The following MICAL3 variants were observed in gnomAD, a reference collection of about 807,000 sequenced individuals.
The protein encoded by MICAL3 is microtubule associated monooxygenase, calponin and LIM domain containing 3.
In MICAL3, 62 loss-of-function variants were observed where a neutral mutation model predicts 207.4. That is an observed-to-expected ratio of 0.30 (90% CI 0.24 to 0.37). MICAL3 has a LOEUF of 0.37. Among genes scored for constraint, MICAL3 ranks in the 10% least tolerant of loss-of-function variants. The pLI, the probability that MICAL3 is intolerant of heterozygous loss-of-function variation, is 1.00. For missense variants in MICAL3, 2,368 were observed against 2,635.6 expected, an observed-to-expected ratio of 0.90 and a Z score of 2.22; for synonymous variants, 1,077 against 1,069.3, an observed-to-expected ratio of 1.01 and a Z score of -0.14.
intron 1 of MICAL3, among the ~76,000 whole-genome samples, chr22:17,947,700 A>G (rs1355739976): frequency 6.6e-6 from 1 of 152,112 alleles, no homozygotes; most frequent in Non-Finnish European, 1.5e-5. Context: ...CTGGGACCAC[A>G]GGCGATGGTG....
chr22:17,998,547 A>T (rs143974205), intron 1 of MICAL3, among the ~76,000 whole-genome samples: 4,177 of 138,038 alleles, frequency 0.03, 140 homozygotes, highest in African/African-American at 0.082. Flanking sequence ...TAATAATAAT[A>T]ATTATTATTA....
intron 19 of MICAL3, among the ~76,000 whole-genome samples, chr22:17,845,881 T>C (rs1012368812): frequency 1.1e-4 from 17 of 152,242 alleles, no homozygotes; most frequent in African/African-American, 4.1e-4. Context: ...GAATCTGGCA[T>C]CTGGAATGAC....
At chr22:17,870,864 G>C (rs4819641) in intron 17 of MICAL3, among the ~76,000 whole-genome samples, 29,000 of 152,066 alleles carry the variant, frequency 0.19, 3,097 homozygotes, top group East Asian at 0.28. Context: ...TCACCTCTCT[G>C]GGCTCCTTCC....
At chr22:17,953,447 C>T (rs986191372) in intron 1 of MICAL3, among the ~76,000 whole-genome samples, 6 of 152,022 alleles carry the variant, frequency 3.9e-5, no homozygotes, top group African/African-American at 1.2e-4. Context: ...AGATGGGACA[C>T]GATCTGTACA....
At chr22:17,952,169 T>C (rs1934381688) in intron 1 of MICAL3, among the ~76,000 whole-genome samples, 1 of 152,240 alleles carries the variant, frequency 6.6e-6, no homozygotes, top group Non-Finnish European at 1.5e-5. Context: ...TTTCCTTTTC[T>C]GTACAAAGAC....
chr22:17,869,772 A>G (rs557698584), intron 17 of MICAL3, among the ~76,000 whole-genome samples: 17 of 152,310 alleles, frequency 1.1e-4, no homozygotes, highest in Middle Eastern at 6.8e-3. Flanking sequence ...AGTTGTGTCA[A>G]TTTGGACAAA....
intron 1 of MICAL3, among the ~76,000 whole-genome samples, chr22:18,000,282 T>A (rs1305910040): frequency 1.3e-5 from 2 of 151,150 alleles, no homozygotes; most frequent in African/African-American, 2.4e-5. Context: ...CTGTCCACAG[T>A]TGACCTTCAT....
intron 1 of MICAL3, among the ~76,000 whole-genome samples, chr22:17,951,237 C>CCGGGAGCACTGGATTAGGAT (rs1315085215): frequency 6.6e-6 from 1 of 152,132 alleles, no homozygotes; most frequent in Non-Finnish European, 1.5e-5. Flanking sequence ...GGTGGTACAG[C>CCGGGAGCACTGGATTAGGAT]CGGGAGCACT....
At chr22:17,795,687 G>A (rs757371572) in intron 29 of MICAL3, among the ~76,000 whole-genome samples, 44 of 152,256 alleles carry the variant, frequency 2.9e-4, no homozygotes, top group Non-Finnish European at 5.0e-4. Flanking sequence ...AGGCAGAAGC[G>A]CGTGTGAGCG....
chr22:17,842,281 AG>A, intron 19 of MICAL3: 1 of 520,110 alleles, frequency 1.9e-6, no homozygotes, highest in Non-Finnish European at 3.5e-6. Context: ...CGGCCCCCAG[AG>A]GGGAGACGCA....
intron 1 of MICAL3, among the ~76,000 whole-genome samples, chr22:17,925,171 G>A (rs1932888330): frequency 6.6e-6 from 1 of 152,140 alleles, no homozygotes; most frequent in South Asian, 2.1e-4. Flanking sequence ...AGAGCAAGGG[G>A]AAGGGAGCCA....
intron 1 of MICAL3, among the ~76,000 whole-genome samples, chr22:17,995,027 G>A (rs945548206): frequency 6.6e-6 from 1 of 152,120 alleles, no homozygotes; most frequent in Non-Finnish European, 1.5e-5. Context: ...GCGCTAGAGA[G>A]ACACGGCCTA....
chr22:17,943,336 A>AT (rs1458015240), intron 1 of MICAL3, among the ~76,000 whole-genome samples: 3 of 152,014 alleles, frequency 2.0e-5, no homozygotes, highest in African/African-American at 4.8e-5. Flanking sequence ...CTAATTTGTT[A>AT]TATTTTTAGT....
chr22:17,954,701 G>A (rs1934526337), intron 1 of MICAL3, among the ~76,000 whole-genome samples: 1 of 151,754 alleles, frequency 6.6e-6, no homozygotes, highest in South Asian at 2.1e-4. Flanking sequence ...TCTCAGTGTG[G>A]TTAAGGGCAG....
intron 1 of MICAL3, among the ~76,000 whole-genome samples, chr22:17,985,112 G>C (rs1475939872): frequency 2.6e-5 from 4 of 152,254 alleles, no homozygotes; most frequent in African/African-American, 7.2e-5. Flanking sequence ...CCACGCAAGA[G>C]TTGAGGGAGT....
chr22:17,849,926 C>T (rs1428084178), intron 19 of MICAL3, among the ~76,000 whole-genome samples: 2 of 151,758 alleles, frequency 1.3e-5, no homozygotes, highest in African/African-American at 2.4e-5. Flanking sequence ...CTCCTGACCT[C>T]GTGATCCGCC....
At chr22:17,966,972 A>G (rs770479545) in intron 1 of MICAL3, among the ~76,000 whole-genome samples, 1 of 152,232 alleles carries the variant, frequency 6.6e-6, no homozygotes, top group African/African-American at 2.4e-5. Flanking sequence ...AACAGGGGAA[A>G]TAGGATCCAA....
intron 29 of MICAL3, among the ~76,000 whole-genome samples, chr22:17,805,364 T>A (rs190590105): frequency 3.9e-5 from 6 of 152,230 alleles, no homozygotes; most frequent in Non-Finnish European, 7.3e-5. Context: ...GGAACTGTGA[T>A]GGGAGACCAG....
intron 1 of MICAL3, among the ~76,000 whole-genome samples, chr22:17,933,251 C>A (rs970720282): frequency 2.6e-5 from 4 of 152,204 alleles, no homozygotes; most frequent in African/African-American, 9.7e-5. Context: ...TGTAAAAGAA[C>A]AGAAATCACA....
Sources: allele counts gnomAD v4.1 joint callset (sites outside exome capture counted in the v4.1 genomes callset), GRCh38; gene constraint gnomAD v4.1.1; transcripts MANE v1.5; gene names NCBI Gene and HGNC (gene_info 2026-07-23, HGNC 2026-07-21).